The following CACNA2D3 variants were observed in gnomAD, a reference collection of about 807,000 sequenced individuals.
The protein encoded by CACNA2D3 is voltage-dependent calcium channel subunit alpha-2/delta-3.
Under a neutral mutation model 160.6 loss-of-function variants are expected in CACNA2D3, and 60 were observed. That is an observed-to-expected ratio of 0.37 (90% CI 0.30 to 0.46). The LOEUF is 0.46. CACNA2D3 is among the 20% of genes least tolerant of loss of function. The pLI, the probability that CACNA2D3 is intolerant of heterozygous loss-of-function variation, is 1.00. For synonymous variants in CACNA2D3, 558 were observed against 492.9 expected (o/e 1.13, Z -1.75); for missense variants, 1,205 against 1,365.0 (o/e 0.88, Z 1.85).
At chr3:54,237,478 A>G (rs1439604422) in intron 2 of CACNA2D3, among the ~76,000 whole-genome samples, 1 of 152,000 alleles carries the variant, frequency 6.6e-6, no homozygotes, top group Non-Finnish European at 1.5e-5. Context: ...TGAAGTTTGG[A>G]TTTATCTGAC....
chr3:54,194,459 CCT>C (rs1232449414), intron 2 of CACNA2D3, among the ~76,000 whole-genome samples: 5 of 152,120 alleles, frequency 3.3e-5, no homozygotes, highest in African/African-American at 1.2e-4. Flanking sequence ...CCCAGTTCTC[CCT>C]CTTTCCTGTC....
chr3:54,757,266 G>C (rs1701989971), intron 12 of CACNA2D3, among the ~76,000 whole-genome samples: 1 of 152,100 alleles, frequency 6.6e-6, no homozygotes, highest in Non-Finnish European at 1.5e-5. Flanking sequence ...GTCATCGTCA[G>C]GTCCAATGGA....
intron 4 of CACNA2D3, among the ~76,000 whole-genome samples, chr3:54,403,375 A>ACACG (rs1699508314): frequency 6.6e-6 from 1 of 151,226 alleles, no homozygotes; most frequent in Non-Finnish European, 1.5e-5. Context: ...ACACACACAC[A>ACACG]CACACACACA....
chr3:54,256,105 C>T (rs1040303177), intron 2 of CACNA2D3, among the ~76,000 whole-genome samples: 3 of 152,194 alleles, frequency 2.0e-5, no homozygotes, highest in South Asian at 4.1e-4. Context: ...AGGTTGTATA[C>T]ACAGGATCTT....
chr3:54,783,276 T>TA (rs1282431688), intron 13 of CACNA2D3, among the ~76,000 whole-genome samples: 6 of 151,734 alleles, frequency 4.0e-5, no homozygotes, highest in East Asian at 3.9e-4. Context: ...TCTACTGAAT[T>TA]AAAAAAAACC....
At chr3:54,964,488 G>A (rs776231347) in intron 27 of CACNA2D3, among the ~76,000 whole-genome samples, 22 of 151,902 alleles carry the variant, frequency 1.4e-4, no homozygotes, top group Non-Finnish European at 2.9e-4. Context: ...TATTAAATTA[G>A]CAAGACTGAC....
At chr3:55,022,539 T>C (rs1703479495) in intron 35 of CACNA2D3, among the ~76,000 whole-genome samples, 2 of 144,800 alleles carry the variant, frequency 1.4e-5, no homozygotes, top group Non-Finnish European at 3.0e-5. Context: ...TCCTTCCTTC[T>C]TTCTTTCTTT....
chr3:54,832,417 GT>G (rs1418976826), intron 14 of CACNA2D3, among the ~76,000 whole-genome samples: 1 of 152,182 alleles, frequency 6.6e-6, no homozygotes, highest in Non-Finnish European at 1.5e-5. Context: ...CCTAAAGGAA[GT>G]GGGTGATACC....
intron 10 of CACNA2D3, among the ~76,000 whole-genome samples, chr3:54,636,901 A>AG (rs1421013529): frequency 6.6e-6 from 1 of 152,026 alleles, no homozygotes; most frequent in Non-Finnish European, 1.5e-5. Context: ...AATCAGTGTC[A>AG]GGGTGAGTCT....
At chr3:54,129,520 A>T (rs1320029922) in intron 2 of CACNA2D3, among the ~76,000 whole-genome samples, 1 of 152,202 alleles carries the variant, frequency 6.6e-6, no homozygotes, top group Non-Finnish European at 1.5e-5. Flanking sequence ...CAGAAACCAA[A>T]CTATTGGCGC....
At chr3:54,723,868 A>AG in intron 11 of CACNA2D3, among the ~76,000 whole-genome samples, 1 of 152,348 alleles carries the variant, frequency 6.6e-6, no homozygotes, top group East Asian at 1.9e-4. Context: ...CAACTAACAG[A>AG]CAAAACAACC....
intron 11 of CACNA2D3, among the ~76,000 whole-genome samples, chr3:54,712,365 C>T (rs1295016379): frequency 6.6e-6 from 1 of 152,082 alleles, no homozygotes; most frequent in Non-Finnish European, 1.5e-5. Context: ...GGCTGTGTCC[C>T]CACCCATCTT....
chr3:54,226,666 T>C (rs367618101), intron 2 of CACNA2D3, among the ~76,000 whole-genome samples: 4 of 152,108 alleles, frequency 2.6e-5, no homozygotes, highest in South Asian at 2.1e-4. Context: ...AGCTCTGAAC[T>C]CCAATTCCTG....
At chr3:54,126,739 G>T (rs1421363025) in intron 2 of CACNA2D3, among the ~76,000 whole-genome samples, 2 of 152,170 alleles carry the variant, frequency 1.3e-5, no homozygotes, top group Non-Finnish European at 2.9e-5. Flanking sequence ...CAGGCCCCTG[G>T]AGGGATGGTG....
At chr3:54,242,472 T>A (rs555573370) in intron 2 of CACNA2D3, among the ~76,000 whole-genome samples, 2 of 151,946 alleles carry the variant, frequency 1.3e-5, no homozygotes, top group African/African-American at 4.8e-5. Flanking sequence ...TGAAATAAAA[T>A]AAATAGAATA....
intron 27 of CACNA2D3, among the ~76,000 whole-genome samples, chr3:54,910,868 AGTCCAAAACC>A (rs1391194360): frequency 6.6e-6 from 1 of 152,226 alleles, no homozygotes; most frequent in Non-Finnish European, 1.5e-5. Flanking sequence ...TTTTCTAGTT[AGTCCAAAACC>A]TTTGGAGTGA....
chr3:54,970,438 C>CG (rs1702243578), intron 29 of CACNA2D3, among the ~76,000 whole-genome samples: 1 of 121,040 alleles, frequency 8.3e-6, no homozygotes, highest in Non-Finnish European at 1.8e-5. Flanking sequence ...TCCTCTCCTC[C>CG]CCTCCCCTCC....
chr3:55,066,502 A>AT, intron 35 of CACNA2D3, among the ~76,000 whole-genome samples: 1 of 152,022 alleles, frequency 6.6e-6, no homozygotes, highest in Non-Finnish European at 1.5e-5. Context: ...GTTCCTCCCC[A>AT]TCCCGCGTGC....
intron 11 of CACNA2D3, among the ~76,000 whole-genome samples, chr3:54,646,194 G>GCTTCCTTCCTTCCTTGCTTC: frequency 7.4e-5 from 1 of 13,460 alleles, no homozygotes; most frequent in South Asian, 5.1e-3. Flanking sequence ...CTCCTTCCTT[G>GCTTCCTTCCTTCCTTGCTTC]CTTCCTTCCT....
Sources: allele counts gnomAD v4.1 joint callset (sites outside exome capture counted in the v4.1 genomes callset), GRCh38; gene constraint gnomAD v4.1.1; transcripts MANE v1.5; gene names NCBI Gene and HGNC (gene_info 2026-07-23, HGNC 2026-07-21).